SLC1A2: variants seen among roughly 807,000 people sequenced by gnomAD.
The protein encoded by SLC1A2 is solute carrier family 1 member 2.
Under a neutral mutation model 48.8 loss-of-function variants are expected in SLC1A2, and 15 were observed. The ratio of observed to expected loss-of-function variants is 0.31; its 90% CI spans 0.21 to 0.47. SLC1A2 has a LOEUF of 0.47. Among genes scored for constraint, SLC1A2 ranks in the 20% least tolerant of loss-of-function variants. SLC1A2 has a pLI of 0.99. For synonymous variants in SLC1A2, 279 were observed against 272.6 expected (o/e 1.02, Z -0.23); for missense variants, 502 against 730.5 (o/e 0.69, Z 3.61).
chr11:35,392,083 C>A (rs1854788917), intron 1 of SLC1A2, among the ~76,000 whole-genome samples: 1 of 152,150 alleles, frequency 6.6e-6, no homozygotes, highest in African/African-American at 2.4e-5. Context: ...AAATAAAAAT[C>A]ACCCTTATCG....
intron 8 of SLC1A2, chr11:35,285,325 C>T (rs1458570501): frequency 6.6e-6 from 1 of 152,178 alleles, no homozygotes; most frequent in African/African-American, 2.4e-5. Context: ...AATGACTATT[C>T]CTTCTCTTCA....
chr11:35,313,544 A>C (rs1160584665), intron 3 of SLC1A2, among the ~76,000 whole-genome samples: 1 of 152,052 alleles, frequency 6.6e-6, no homozygotes, highest in Non-Finnish European at 1.5e-5. Context: ...TTTGGGTGTT[A>C]GTCCTTTTTG....
intron 1 of SLC1A2, among the ~76,000 whole-genome samples, chr11:35,411,629 C>G (rs1225726986): frequency 6.6e-6 from 1 of 152,138 alleles, no homozygotes; most frequent in Non-Finnish European, 1.5e-5. Flanking sequence ...CCCAACTGTC[C>G]TTTTAAGTAA....
chr11:35,358,153 A>AG (rs973235296), intron 1 of SLC1A2, among the ~76,000 whole-genome samples: 5 of 152,108 alleles, frequency 3.3e-5, no homozygotes, highest in African/African-American at 1.2e-4. Flanking sequence ...AAAAAAAAAA[A>AG]GGGAGGTGGG....
rs566334476 is a variant in SLC1A2, at chr11:35,358,311, TTA to T, written c.18-40797_18-40796del. Among the ~76,000 whole-genome samples the T allele has an allele frequency of 1.9e-3, 284 of 152,334 alleles. 2 individuals carry two copies. The highest frequency in any genetic ancestry group is 2.3e-3 in the Non-Finnish European group (154 of 68,030). On this transcript the variant is annotated intron_variant, in intron 1 of 10. Coordinates refer to ENST00000278379, the MANE Select transcript of SLC1A2 (RefSeq NM_004171.4). ...TGATTTTTTTCCCTTATGCATACAT[TTA>T]TATGTTTTAATACTGCTCTGCAATG...
intron 1 of SLC1A2, among the ~76,000 whole-genome samples, chr11:35,389,747 G>A (rs1854703576): frequency 6.6e-6 from 1 of 152,026 alleles, no homozygotes; most frequent in Non-Finnish European, 1.5e-5. Flanking sequence ...TGAGATTACA[G>A]GCATGAGCTA....
chr11:35,310,311 A>G (rs142389676), intron 4 of SLC1A2, among the ~76,000 whole-genome samples: 5 of 152,332 alleles, frequency 3.3e-5, no homozygotes, highest in African/African-American at 1.2e-4. Context: ...AAGAATGGAT[A>G]GCACCCAATC....
Position 35,399,108 on chromosome 11 carries a change from G to T in SLC1A2, c.17+19842C>A, listed in dbSNP as rs189678842. 3.9e-5 allele frequency among the ~76,000 whole-genome samples: 6 copies of T among 152,268 alleles called. No homozygotes were observed. The East Asian group carries it at 9.6e-4, about 24-fold the overall frequency. ...GTTACTCACAAAATAAAAATGTTTG[G>T]TTTGGAATCTGTTCCTACCAGTCTG... On this transcript the variant is annotated intron_variant, in intron 1 of 10. Coordinates refer to ENST00000278379, the MANE Select transcript of SLC1A2 (RefSeq NM_004171.4).
At chr11:35,284,056 T>C (rs951151046) in intron 8 of SLC1A2, among the ~76,000 whole-genome samples, 3 of 143,908 alleles carry the variant, frequency 2.1e-5, no homozygotes, top group African/African-American at 7.7e-5. Context: ...CCTTATAGTA[T>C]ATAATTCATA....
chr11:35,269,734 ATCTCCTT>A (rs1850223732), intron 9 of SLC1A2, among the ~76,000 whole-genome samples: 1 of 152,152 alleles, frequency 6.6e-6, no homozygotes, highest in Non-Finnish European at 1.5e-5. Flanking sequence ...ATGCCATCAA[ATCTCCTT>A]GAATTTGAAA....
At chr11:35,404,952 G>A (rs1208743410) in intron 1 of SLC1A2, among the ~76,000 whole-genome samples, 2 of 152,038 alleles carry the variant, frequency 1.3e-5, no homozygotes, top group Non-Finnish European at 2.9e-5. Context: ...GAATCTAGGA[G>A]GATTCTAGCA....
At chr11:35,291,958 T>TTAC (rs1267666814) in intron 7 of SLC1A2, 1 of 259,154 alleles carries the variant, frequency 3.9e-6, no homozygotes, top group Non-Finnish European at 7.4e-6. Flanking sequence ...AAATATCCTG[T>TTAC]TACACTCCCT....
chr11:35,402,691 C>T (rs571646744), intron 1 of SLC1A2, among the ~76,000 whole-genome samples: 1 of 152,296 alleles, frequency 6.6e-6, no homozygotes, highest in East Asian at 1.9e-4. Context: ...TGAAGGCAAC[C>T]TCATGGGACT....
intron 1 of SLC1A2, chr11:35,352,275 C>T (rs954847207): frequency 6.6e-6 from 1 of 152,206 alleles, no homozygotes; most frequent in East Asian, 1.9e-4. Flanking sequence ...TCATCTAGTT[C>T]CACTTAGTTT....
chr11:35,277,095 C>A lies in SLC1A2; in HGVS notation c.1421+3772G>T, dbSNP rs193044266. 2.6e-5 allele frequency among the ~76,000 whole-genome samples: 4 copies of A among 152,270 alleles called. No homozygotes were observed. In the East Asian group the frequency reaches 5.8e-4, roughly 22 times the overall value. On this transcript the variant is annotated intron_variant, in intron 9 of 10. Transcript: ENST00000278379. ...CCAACCCCACTCATGAGGGTGGAGC[C>A]TTCACGATATAATCACCTTTTAAAG...
rs575933410 is a variant in SLC1A2 at position 35,265,886 on chromosome 11, G to A, written c.1422-128C>T. The A allele has an allele frequency of 6.4e-6, 4 of 620,206 alleles. No homozygotes were observed. The Admixed American group carries it at 1.2e-4, about 19-fold the overall frequency. The allele number at this position is 620,206 out of a possible 1,614,324, so 38.4% of individuals were successfully genotyped here. A position where few individuals can be genotyped will look rare whatever the true frequency, so the allele number is the denominator to read the frequency against. Reference sequence around the variant, plus strand: ...CTACCTTTTCCCTCTGCCTGATTTGGGGCAAGTTACTTAACTTTCATGAGC... The same window carrying A: ...CTACCTTTTCCCTCTGCCTGATTTGAGGCAAGTTACTTAACTTTCATGAGC... On this transcript the variant is annotated intron_variant, in intron 9 of 10. Coordinates refer to ENST00000278379, the MANE Select transcript of SLC1A2 (RefSeq NM_004171.4).
At chr11:35,262,806 T>C (rs1950413247) in intron 10 of SLC1A2, among the ~76,000 whole-genome samples, 1 of 152,224 alleles carries the variant, frequency 6.6e-6, no homozygotes, top group South Asian at 2.1e-4. Flanking sequence ...AAATAGTTGA[T>C]AAACCAATAG....
At chr11:35,281,149 TAA>T in intron 8 of SLC1A2, 148 bp from the exon 9 acceptor site, 3 of 1,158,768 alleles carry the variant, frequency 2.6e-6, no homozygotes, top group Non-Finnish European at 3.5e-6. Context: ...TAGAGAAATC[TAA>T]AGTACTAAGA....
rs35175359 is a variant in SLC1A2, at chr11:35,341,995, T to C, written c.18-24479A>G. Reference sequence around the variant, plus strand: ...AAATATCTAAGATGTATTTAAGAAGTTGAAAATTGCATATGCATGTGTATA... The same window carrying C: ...AAATATCTAAGATGTATTTAAGAAGCTGAAAATTGCATATGCATGTGTATA... On this transcript the variant is annotated intron_variant, in intron 1 of 10. Transcript: ENST00000278379. 7.9e-3 allele frequency among the ~76,000 whole-genome samples: 1,199 copies of C among 152,314 alleles called. 11 individuals are homozygous for C. The highest frequency in any genetic ancestry group is 0.014 in the Non-Finnish European group (964 of 68,038).
Sources: allele counts gnomAD v4.1 joint callset (sites outside exome capture counted in the v4.1 genomes callset), GRCh38; gene constraint gnomAD v4.1.1; transcripts MANE v1.5; gene names NCBI Gene and HGNC (gene_info 2026-07-23, HGNC 2026-07-21).